Variants in ATP6V0A4 observed in about 807,000 individuals in gnomAD.
ATP6V0A4 encodes V-type proton ATPase 116 kDa subunit a 4.
ATP6V0A4 carries 86 observed loss-of-function variants against 107.3 expected under a neutral mutation model. The ratio of observed to expected loss-of-function variants is 0.80; its 90% CI spans 0.67 to 0.96. ATP6V0A4 has a LOEUF of 0.96. ATP6V0A4 is among the 40% of genes least tolerant of loss of function. The probability of loss-of-function intolerance (pLI) is 0.00; values close to 1 mark genes in which losing one functional copy is unlikely to be tolerated. For synonymous variants in ATP6V0A4, 353 were observed against 381.4 expected (o/e 0.93, Z 0.87); for missense variants, 908 against 1,045.6 (o/e 0.87, Z 1.81).
chr7:138,747,401 G>C, intron 13 of ATP6V0A4, 24 bp downstream of exon 13: 1 of 1,610,464 alleles, frequency 6.2e-7, no homozygotes, highest in Non-Finnish European at 8.5e-7. Context: ...ATGAATCAGG[G>C]CAAGACGGTC....
At chr7:138,791,237 A>T (rs1186718228) in intron 1 of ATP6V0A4, among the ~76,000 whole-genome samples, 1 of 152,242 alleles carries the variant, frequency 6.6e-6, no homozygotes, top group Non-Finnish European at 1.5e-5. Context: ...AAAGAGGATT[A>T]GACACAGATG....
At chr7:138,743,213 T>A (rs890214233) in intron 14 of ATP6V0A4, among the ~76,000 whole-genome samples, 1 of 151,864 alleles carries the variant, frequency 6.6e-6, no homozygotes, top group African/African-American at 2.4e-5. Flanking sequence ...ATCCTAGCAC[T>A]TTGGGAGGCT....
At chr7:138,731,074 T>C (rs1419675790) in intron 17 of ATP6V0A4, among the ~76,000 whole-genome samples, 1 of 151,960 alleles carries the variant, frequency 6.6e-6, no homozygotes, top group African/African-American at 2.4e-5. Context: ...GCTGGGATTA[T>C]AGGCACCTGC....
chr7:138,738,345 T>C (rs1460387035), intron 15 of ATP6V0A4, among the ~76,000 whole-genome samples: 1 of 152,044 alleles, frequency 6.6e-6, no homozygotes, highest in Admixed American at 6.6e-5. Context: ...GGAGCAGAAA[T>C]GGACAGGCAG....
intron 9 of ATP6V0A4, chr7:138,756,033 C>T: frequency 1.6e-6 from 1 of 634,612 alleles, no homozygotes; most frequent in East Asian, 3.1e-5. Context: ...CTGTGAGTTG[C>T]TGGGTAAATA....
At chr7:138,781,982 A>G (rs1035386724) in intron 2 of ATP6V0A4, among the ~76,000 whole-genome samples, 9 of 151,996 alleles carry the variant, frequency 5.9e-5, no homozygotes, top group Admixed American at 3.9e-4. Context: ...CTGGACCCCA[A>G]TAATTCTTAA....
chr7:138,746,030 AT>A (rs1805934294), intron 13 of ATP6V0A4, among the ~76,000 whole-genome samples: 1 of 141,304 alleles, frequency 7.1e-6, no homozygotes, highest in East Asian at 2.0e-4. Context: ...CATAATATAT[AT>A]TTATAATATA....
chr7:138,790,855 T>C (rs951861589), intron 1 of ATP6V0A4, among the ~76,000 whole-genome samples: 4 of 152,122 alleles, frequency 2.6e-5, no homozygotes, highest in Admixed American at 6.5e-5. Flanking sequence ...AAGCACTCGA[T>C]TAAAGCAACA....
At chr7:138,758,080 C>T (rs1047409230) in intron 8 of ATP6V0A4, among the ~76,000 whole-genome samples, 9 of 152,156 alleles carry the variant, frequency 5.9e-5, no homozygotes, top group East Asian at 3.9e-4. Context: ...TGGTGACCTT[C>T]GGCGTCCACG....
intron 14 of ATP6V0A4, among the ~76,000 whole-genome samples, chr7:138,744,744 C>T (rs1025251829): frequency 2.6e-5 from 4 of 152,014 alleles, no homozygotes; most frequent in Admixed American, 2.0e-4. Context: ...ACTCTGTCAC[C>T]CAGGCTGGAG....
intron 4 of ATP6V0A4, 29 bp from the exon 5 acceptor site, chr7:138,768,903 C>G: frequency 1.2e-6 from 2 of 1,613,356 alleles, no homozygotes; most frequent in Non-Finnish European, 1.7e-6. Context: ...CCAGAAACCC[C>G]AAGGTGATTG....
rs144679163 is a variant in ATP6V0A4, at chr7:138,781,353, C to T, written c.-18+4805G>A. Among the ~76,000 whole-genome samples the T allele has an allele frequency of 3.1e-4, 47 of 150,034 alleles. No individual in the cohort carries two copies. The East Asian group carries it at 6.6e-3, about 21-fold the overall frequency. The stretch of plus-strand genomic sequence containing the variant: ...TTTTTTCTTTTTCTTTTTTTGTAGA[C>T]GAGTCTTGCTCTTATCACCAAGGCT... On this transcript the variant is annotated intron_variant, in intron 2 of 21. Transcript: ENST00000310018.
At chr7:138,730,599 A>G (rs974378261) in intron 17 of ATP6V0A4, among the ~76,000 whole-genome samples, 4 of 152,218 alleles carry the variant, frequency 2.6e-5, no homozygotes, top group African/African-American at 9.6e-5. Flanking sequence ...CCACGCATTC[A>G]CTGTGCAATG....
At chr7:138,736,534 C>T (rs1175232416) in intron 15 of ATP6V0A4, among the ~76,000 whole-genome samples, 1 of 152,058 alleles carries the variant, frequency 6.6e-6, no homozygotes, top group East Asian at 1.9e-4. Context: ...TTTCATTTGC[C>T]AAGCAATCCT....
At chr7:138,759,552 G>T (rs968344351) in intron 8 of ATP6V0A4, among the ~76,000 whole-genome samples, 200 bp downstream of exon 8, 1 of 151,844 alleles carries the variant, frequency 6.6e-6, no homozygotes, top group African/African-American at 2.4e-5. Flanking sequence ...GTGTTGACAA[G>T]AATCAGTCCT....
chr7:138,753,539 C>G (rs746403714), intron 10 of ATP6V0A4, among the ~76,000 whole-genome samples: 3 of 152,190 alleles, frequency 2.0e-5, no homozygotes, highest in Non-Finnish European at 2.9e-5. Flanking sequence ...TACATAATCC[C>G]TCCAATAAAT....
rs1344616480 is a variant in ATP6V0A4, at chr7:138,785,877, A to T, written c.-18+281T>A. 2.6e-5 allele frequency among the ~76,000 whole-genome samples: 4 copies of T among 152,212 alleles called. No homozygotes were observed. In the East Asian group the frequency reaches 7.7e-4, roughly 29 times the overall value. On this transcript the variant is annotated intron_variant, in intron 2 of 21. Transcript: ENST00000310018. The stretch of plus-strand genomic sequence containing the variant: ...AACCAGGATCATCCCTGCCATGCAC[A>T]TTTCCACTTCCTCCTGGCCACGACT...
intron 1 of ATP6V0A4, among the ~76,000 whole-genome samples, chr7:138,792,023 G>C (rs1012032596): frequency 1.3e-5 from 2 of 152,054 alleles, no homozygotes; most frequent in African/African-American, 4.8e-5. Context: ...ATCAGGAGTG[G>C]ATAGGCCAGG....
chr7:138,793,167 CGCCTGTAATCCCA>C (rs2130236545), intron 1 of ATP6V0A4, among the ~76,000 whole-genome samples: 1 of 152,090 alleles, frequency 6.6e-6, no homozygotes, highest in Admixed American at 6.6e-5. Context: ...TGGTGGCACA[CGCCTGTAATCCCA>C]GCTACTCAGG....
Sources: gnomAD v4.1 joint callset for allele counts (sites outside exome capture counted in the v4.1 genomes callset) on GRCh38, gnomAD v4.1.1 for gene constraint, MANE v1.5 for transcripts, NCBI Gene and HGNC (gene_info 2026-07-23, HGNC 2026-07-21) for gene names.